The following CNTN4 variants were observed in gnomAD, a reference collection of about 807,000 sequenced individuals.
The protein encoded by CNTN4 is contactin-4.
CNTN4 carries 77 observed loss-of-function variants against 122.5 expected under a neutral mutation model. The ratio of observed to expected loss-of-function variants is 0.63; its 90% CI spans 0.52 to 0.76. The LOEUF (loss-of-function observed/expected upper bound fraction) is 0.76, where lower values mean the gene tolerates loss of function less well. Among genes scored for constraint, CNTN4 ranks in the 30% least tolerant of loss-of-function variants. The pLI is 0.00. For missense variants in CNTN4, 1,256 were observed against 1,259.1 expected, an observed-to-expected ratio of 1.00 and a Z score of 0.04; for synonymous variants, 512 against 447.0, an observed-to-expected ratio of 1.15 and a Z score of -1.83.
intron 2 of CNTN4, among the ~76,000 whole-genome samples, chr3:2,258,581 T>C (rs1274766208): frequency 1.3e-5 from 2 of 152,186 alleles, no homozygotes. Flanking sequence ...ATCCTGCTAG[T>C]GTACTGTGTT....
chr3:2,357,396 G>T (rs1241596091), intron 3 of CNTN4, among the ~76,000 whole-genome samples: 1 of 152,020 alleles, frequency 6.6e-6, no homozygotes, highest in Non-Finnish European at 1.5e-5. Context: ...CCAACTTAAG[G>T]GACTAATATT....
chr3:2,279,692 A>C (rs1403633), intron 2 of CNTN4, among the ~76,000 whole-genome samples: 93,235 of 151,748 alleles, frequency 0.61, 29,466 homozygotes, highest in South Asian at 0.75. Flanking sequence ...ATATGCATTG[A>C]AAAAAATAAG....
chr3:2,603,120 A>T (rs2081117238), intron 4 of CNTN4, among the ~76,000 whole-genome samples: 1 of 152,180 alleles, frequency 6.6e-6, no homozygotes, highest in African/African-American at 2.4e-5. Context: ...TCTGCCAAAA[A>T]AAAAAATTTC....
chr3:2,960,790 C>T (rs2094844924), intron 13 of CNTN4, among the ~76,000 whole-genome samples: 1 of 152,168 alleles, frequency 6.6e-6, no homozygotes, highest in Admixed American at 6.5e-5. Context: ...TGCCTTCCCA[C>T]TTTCACTCTT....
At chr3:2,576,736 C>T (rs6795914) in intron 4 of CNTN4, among the ~76,000 whole-genome samples, 15,387 of 151,918 alleles carry the variant, frequency 0.1, 1,096 homozygotes, top group South Asian at 0.29. Flanking sequence ...CTAGTAGAGA[C>T]GGGGTTTTGC....
At chr3:2,502,302 A>T (rs1254749835) in intron 3 of CNTN4, among the ~76,000 whole-genome samples, 1 of 152,138 alleles carries the variant, frequency 6.6e-6, no homozygotes, top group African/African-American at 2.4e-5. Context: ...CACGTGTCTC[A>T]TGGTGCATTC....
chr3:3,029,327 C>G (rs763693218), intron 15 of CNTN4, among the ~76,000 whole-genome samples: 3 of 152,192 alleles, frequency 2.0e-5, no homozygotes, highest in Non-Finnish European at 4.4e-5. Flanking sequence ...AAGATTTTCA[C>G]ATAACACAGA....
intron 3 of CNTN4, among the ~76,000 whole-genome samples, chr3:2,427,867 T>A (rs533014451): frequency 6.6e-6 from 1 of 152,068 alleles, no homozygotes; most frequent in Non-Finnish European, 1.5e-5. Flanking sequence ...GTTTAAAGTC[T>A]GTTTTATCAG....
At chr3:2,265,966 G>T (rs928835344) in intron 2 of CNTN4, among the ~76,000 whole-genome samples, 2 of 151,938 alleles carry the variant, frequency 1.3e-5, no homozygotes, top group African/African-American at 4.8e-5. Context: ...AGAGTTTTTC[G>T]TGGAGTCTTT....
In CNTN4 at chr3:2,880,490, G is replaced by A. The variant is rs376748467; in HGVS notation, c.653-2655G>A. On this transcript the variant is annotated intron_variant, in intron 8 of 24. Coordinates refer to ENST00000418658, the MANE Select transcript of CNTN4 (RefSeq NM_175607.3). ...TTATGGGATGATGATTCAACGGTAC[G>A]GGCTGTTTGTTAGCAAGTTCAACAG... Among the ~76,000 whole-genome samples, 15 of 152,212 alleles carry A rather than the reference G, an allele frequency of 9.9e-5. No homozygotes were observed. In the South Asian group the frequency reaches 2.3e-3, roughly 23 times the overall value.
intron 24 of CNTN4, among the ~76,000 whole-genome samples, chr3:3,055,273 C>A (rs1701680990): frequency 6.9e-6 from 1 of 144,894 alleles, no homozygotes; most frequent in Non-Finnish European, 1.5e-5. Context: ...TATCTCGCTT[C>A]ATTAAAAATC....
At chr3:3,022,953 G>A (rs1411260885) in intron 14 of CNTN4, among the ~76,000 whole-genome samples, 2 of 152,038 alleles carry the variant, frequency 1.3e-5, no homozygotes, top group East Asian at 1.9e-4. Context: ...TTCTATGCAC[G>A]GAACAATAGC....
intron 2 of CNTN4, among the ~76,000 whole-genome samples, chr3:2,154,595 C>T (rs2035638517): frequency 6.6e-6 from 1 of 152,130 alleles, no homozygotes; most frequent in Non-Finnish European, 1.5e-5. Flanking sequence ...AGGGATTAAA[C>T]AACAACAGCA....
intron 14 of CNTN4, among the ~76,000 whole-genome samples, chr3:3,006,804 T>C (rs1038569890): frequency 2.0e-5 from 3 of 152,226 alleles, no homozygotes; most frequent in Non-Finnish European, 4.4e-5. Context: ...TTTCCGTTTT[T>C]CCTCCTTAAA....
chr3:2,576,591 A>C (rs1466839209), intron 4 of CNTN4, among the ~76,000 whole-genome samples: 1 of 142,758 alleles, frequency 7.0e-6, no homozygotes, highest in Non-Finnish European at 1.5e-5. Context: ...TCTGTCTTCC[A>C]GGCTGAAGTG....
chr3:2,192,533 C>G (rs545138757), intron 2 of CNTN4, among the ~76,000 whole-genome samples: 3 of 152,128 alleles, frequency 2.0e-5, no homozygotes, highest in Non-Finnish European at 4.4e-5. Flanking sequence ...TTGCAATCTA[C>G]TCATCTGACA....
At chr3:2,358,260 A>G (rs2044958940) in intron 3 of CNTN4, among the ~76,000 whole-genome samples, 1 of 152,164 alleles carries the variant, frequency 6.6e-6, no homozygotes, top group Non-Finnish European at 1.5e-5. Context: ...TAAGCTTTCC[A>G]TTTCGAGCCT....
chr3:2,775,988 C>T lies in CNTN4; in HGVS notation c.358+30291C>T, dbSNP rs184121866. Among the ~76,000 whole-genome samples the T allele has an allele frequency of 5.3e-5, 8 of 152,254 alleles. No individual in the cohort carries two copies. The East Asian group carries it at 7.7e-4, about 15-fold the overall frequency. ...CCCGAACTGACCCCTTCTTCCTTTGCGCTTTGCATTTTATACATACTTATG... is the reference window on the plus strand; with the variant it reads ...CCCGAACTGACCCCTTCTTCCTTTGTGCTTTGCATTTTATACATACTTATG... On this transcript the variant is annotated intron_variant, in intron 6 of 24. Transcript: ENST00000418658.
intron 6 of CNTN4, among the ~76,000 whole-genome samples, chr3:2,751,615 C>T (rs1042918747): frequency 4.3e-4 from 65 of 152,166 alleles, no homozygotes; most frequent in African/African-American, 1.5e-3. Flanking sequence ...CACAGCTTAA[C>T]GAAGGGGATG....
Sources: allele counts gnomAD v4.1 joint callset (sites outside exome capture counted in the v4.1 genomes callset), GRCh38; gene constraint gnomAD v4.1.1; transcripts MANE v1.5; gene names NCBI Gene and HGNC (gene_info 2026-07-23, HGNC 2026-07-21).